PCDHGA9: variants seen among roughly 807,000 people sequenced by gnomAD.
The protein encoded by PCDHGA9 is protocadherin gamma subfamily A, 9.
In PCDHGA9, 37 loss-of-function variants were observed where a neutral mutation model predicts 62.5. The observed-to-expected ratio is 0.59, with a 90% confidence interval of 0.46 to 0.78. The LOEUF (loss-of-function observed/expected upper bound fraction) is 0.78, where lower values mean the gene tolerates loss of function less well. Among genes scored for constraint, PCDHGA9 ranks in the 30% least tolerant of loss-of-function variants. The pLI, the probability that PCDHGA9 is intolerant of heterozygous loss-of-function variation, is 0.00. For synonymous variants in PCDHGA9, 459 were observed against 484.6 expected (o/e 0.95, Z 0.69); for missense variants, 1,138 against 1,166.2 (o/e 0.98, Z 0.35).
intron 1 of PCDHGA9, chr5:141,423,131 A>G (rs370773437): frequency 1.9e-6 from 3 of 1,613,538 alleles, no homozygotes; most frequent in Admixed American, 1.7e-5. Context: ...GCACTGCTGG[A>G]CAGAGACGCG....
At chr5:141,433,646 A>G (rs2097639113) in intron 1 of PCDHGA9, among the ~76,000 whole-genome samples, 1 of 152,012 alleles carries the variant, frequency 6.6e-6, no homozygotes, top group Non-Finnish European at 1.5e-5. Flanking sequence ...GACCAGCCTG[A>G]CCAACATGGA....
At position 141,485,682 on chromosome 5, in the gene PCDHGA9, A is replaced by T. The variant is rs779441999; in HGVS notation, c.2425-9125A>T. 6.2e-7 allele frequency: 1 copy of T among 1,613,958 alleles called. No individual in the cohort carries two copies. Among genetic ancestry groups the T allele is most frequent in the Non-Finnish European group, 8.5e-7 (1 of 1,179,972 alleles). On this transcript the variant is annotated intron_variant, in intron 1 of 3. Transcript: ENST00000573521. This position sits in a 1 kb window ranked among gnomAD's most constrained non-coding sequence, Gnocchi z 5.7. ...GTGGGGAGCAATTCGATTAGCAGCT[A>T]TAGGCTGAGCTCCAATGAACACTTT...
In PCDHGA9 at chr5:141,415,645, A is replaced by T. The variant is rs200555070; in HGVS notation, c.2424+10269A>T. On this transcript the variant is annotated intron_variant, in intron 1 of 3. Transcript: ENST00000573521. The stretch of plus-strand genomic sequence containing the variant: ...TATTTTCATTTTTACTTTTGTTAAA[A>T]AAAAAAAGATTGGTTTTTACTTTGA... The T allele has an allele frequency of 3.5e-3, 5,682 of 1,600,720 alleles. 22 individuals carry two copies. The highest frequency in any genetic ancestry group is 5.0e-3 in the Middle Eastern group (30 of 6,044).
At position 141,432,816 on chromosome 5, in the gene PCDHGA9, C is replaced by A. The variant is rs778545682; in HGVS notation, c.2424+27440C>A. Reference sequence around the variant, plus strand: ...CTCGAGTCTCCAGCTAACTCTGAAACCTCAGACCTCACTCTGTACCTGGTG... The same window carrying A: ...CTCGAGTCTCCAGCTAACTCTGAAAACTCAGACCTCACTCTGTACCTGGTG... On this transcript the variant is annotated intron_variant, in intron 1 of 3. Transcript: ENST00000573521. The surrounding 1 kb of genome is among the most constrained non-coding windows in gnomAD (Gnocchi z 6.0). The A allele has an allele frequency of 7.6e-5, 122 of 1,614,044 alleles. No individual in the cohort carries two copies. The highest frequency in any genetic ancestry group is 3.3e-5 in the Admixed American group (2 of 60,012).
rs1369956811 is a variant in PCDHGA9, at chr5:141,460,759, A to G, written c.2425-34048A>G. Among the ~76,000 whole-genome samples, 3 of 152,088 alleles carry G rather than the reference A, an allele frequency of 2.0e-5. No individual in the cohort carries two copies. In the East Asian group the frequency reaches 5.8e-4, roughly 29 times the overall value. On this transcript the variant is annotated intron_variant, in intron 1 of 3. Coordinates refer to ENST00000573521, the MANE Select transcript of PCDHGA9 (RefSeq NM_018921.3). ...ATTGTATATATATGTGTACATATAC[A>G]TATTGCATATGTATGTATACATATA...
At position 141,487,030 on chromosome 5, in the gene PCDHGA9, T is replaced by C. The variant is rs773121109; in HGVS notation, c.2425-7777T>C. Reference sequence around the variant, plus strand: ...TGGAGGCCCCAGATCCCAGCCTGTTTGCAGTCTCTCGATATGCTGGGGAGG... The same window carrying C: ...TGGAGGCCCCAGATCCCAGCCTGTTCGCAGTCTCTCGATATGCTGGGGAGG... On this transcript the variant is annotated intron_variant, in intron 1 of 3. Coordinates refer to ENST00000573521, the MANE Select transcript of PCDHGA9 (RefSeq NM_018921.3). The surrounding 1 kb of genome is among the most constrained non-coding windows in gnomAD (Gnocchi z 5.0). 12 of 1,614,100 alleles carry C rather than the reference T, an allele frequency of 7.4e-6. No homozygotes were observed. Among genetic ancestry groups the C allele is most frequent in the Non-Finnish European group, 1.0e-5 (12 of 1,180,044 alleles).
chr5:141,406,553 C>T (rs990498102), intron 1 of PCDHGA9, among the ~76,000 whole-genome samples: 1 of 152,150 alleles, frequency 6.6e-6, no homozygotes, highest in African/African-American at 2.4e-5. Flanking sequence ...CTTCAGTTAT[C>T]CACTTCCAAA....
intron 1 of PCDHGA9, chr5:141,478,825 T>G: frequency 1.4e-6 from 2 of 1,441,878 alleles, no homozygotes; most frequent in East Asian, 5.0e-5. Context: ...TAACCAATCT[T>G]GCTAAGGGAT....
intron 2 of PCDHGA9, among the ~76,000 whole-genome samples, chr5:141,498,618 G>A (rs191513899): frequency 1.3e-5 from 2 of 152,220 alleles, no homozygotes; most frequent in East Asian, 3.9e-4. Context: ...TCAGCACTGG[G>A]TCACACTGCC....
At position 141,487,534 on chromosome 5, in the gene PCDHGA9, G is replaced by T; in HGVS notation, c.2425-7273G>T. The T allele has an allele frequency of 6.2e-7, 1 of 1,614,174 alleles. No homozygotes were observed. The highest frequency in any genetic ancestry group is 8.5e-7 in the Non-Finnish European group (1 of 1,180,034). ...CCACTCGGAGTGATAGCTTCATGAT[G>T]GTGAAGTCACCCAGTGCACCTATGG... On this transcript the variant is annotated intron_variant, in intron 1 of 3. Coordinates refer to ENST00000573521, the MANE Select transcript of PCDHGA9 (RefSeq NM_018921.3). This position sits in a 1 kb window ranked among gnomAD's most constrained non-coding sequence, Gnocchi z 5.0.
Position 141,476,217 on chromosome 5 carries a change from A to G in PCDHGA9, c.2425-18590A>G. On this transcript the variant is annotated intron_variant, in intron 1 of 3. Coordinates refer to ENST00000573521, the MANE Select transcript of PCDHGA9 (RefSeq NM_018921.3). This position sits in a 1 kb window ranked among gnomAD's most constrained non-coding sequence, Gnocchi z 7.6. ...TTGAACAAGGCTTCCACGGTCATTC[A>G]CTATGAGATCCCGGAGGAAAGAGAG... The G allele has an allele frequency of 6.2e-7, 1 of 1,613,836 alleles. No homozygotes were observed. The highest frequency in any genetic ancestry group is 2.2e-5 in the East Asian group (1 of 44,818).
intron 1 of PCDHGA9, chr5:141,478,429 G>C: frequency 6.2e-7 from 1 of 1,613,674 alleles, no homozygotes; most frequent in Non-Finnish European, 8.5e-7. Flanking sequence ...GCAGCGACCC[G>C]CTGCTGAAGA....
intron 1 of PCDHGA9, 69 bp downstream of exon 1, chr5:141,405,445 A>G: frequency 7.3e-7 from 1 of 1,360,898 alleles, no homozygotes; most frequent in Non-Finnish European, 1.0e-6. Context: ...TTTGAGACAG[A>G]GTCTTACTCT....
intron 1 of PCDHGA9, among the ~76,000 whole-genome samples, chr5:141,437,431 A>G (rs1282194918): frequency 6.6e-6 from 1 of 152,234 alleles, no homozygotes; most frequent in African/African-American, 2.4e-5. Flanking sequence ...TGAAGCAGCA[A>G]TAGCATAGGA....
rs1356739313 is a variant in PCDHGA9, at chr5:141,490,444, A to T, written c.2425-4363A>T. The T allele has an allele frequency of 6.2e-7, 1 of 1,614,194 alleles. No individual in the cohort carries two copies. Among genetic ancestry groups the T allele is most frequent in the Non-Finnish European group, 8.5e-7 (1 of 1,180,034 alleles). On this transcript the variant is annotated intron_variant, in intron 1 of 3. Transcript: ENST00000573521. The surrounding 1 kb of genome is among the most constrained non-coding windows in gnomAD (Gnocchi z 5.4). ...GCCATTTCAGATTAAGCCTTCTGAG[A>T]ACCACTACTCGCTGCTAACCAGCCA...
intron 1 of PCDHGA9, chr5:141,433,307 C>T (rs982853368): frequency 2.2e-6 from 2 of 913,640 alleles, no homozygotes; most frequent in Admixed American, 2.7e-5. Context: ...AATTATCCCA[C>T]CTTTGCCTCC....
chr5:141,505,259 C>A, intron 2 of PCDHGA9, 134 bp from the exon 3 acceptor site: 1 of 1,500,262 alleles, frequency 6.7e-7, no homozygotes, highest in Non-Finnish European at 8.9e-7. Context: ...GTGCCTCCTA[C>A]CTTGCTGAGA....
chr5:141,405,477 T>A, intron 1 of PCDHGA9, 101 bp downstream of exon 1: 1 of 1,025,232 alleles, frequency 9.8e-7, no homozygotes, highest in Non-Finnish European at 1.4e-6. Context: ...TGGAATGCAG[T>A]GGTGTGATCT....
chr5:141,444,237 T>G (rs1315900009), intron 1 of PCDHGA9, among the ~76,000 whole-genome samples: 1 of 137,132 alleles, frequency 7.3e-6, no homozygotes, highest in Admixed American at 8.0e-5. Flanking sequence ...AATGGCATGC[T>G]CTCGGCTCAC....
Sources: allele counts gnomAD v4.1 joint callset (sites outside exome capture counted in the v4.1 genomes callset), GRCh38; gene constraint gnomAD v4.1.1; non-coding constraint Gnocchi (gnomAD v3.1); transcripts MANE v1.5; gene names NCBI Gene and HGNC (gene_info 2026-07-23, HGNC 2026-07-21).